The following CPQ variants were observed in gnomAD, a reference collection of about 807,000 sequenced individuals.
The protein encoded by CPQ is carboxypeptidase Q, also known as Ser-Met dipeptidase.
A neutral mutation model predicts 45.7 loss-of-function variants in CPQ; 37 were observed. The observed-to-expected ratio is 0.81, with a 90% confidence interval of 0.62 to 1.07. The LOEUF (loss-of-function observed/expected upper bound fraction) is 1.07, where lower values mean the gene tolerates loss of function less well. Among genes scored for constraint, CPQ ranks in the 50% least tolerant of loss-of-function variants. The probability of loss-of-function intolerance (pLI) is 0.00; values close to 1 mark genes in which losing one functional copy is unlikely to be tolerated. For missense variants in CPQ, 537 were observed against 572.9 expected (o/e 0.94, Z 0.64); for synonymous variants, 186 against 205.8 (o/e 0.90, Z 0.82).
chr8:97,036,764 G>A (rs1586506697), intron 6 of CPQ, among the ~76,000 whole-genome samples: 1 of 152,166 alleles, frequency 6.6e-6, no homozygotes, highest in South Asian at 2.1e-4. Flanking sequence ...TAATGAGTAA[G>A]GTAATCTGGC....
chr8:97,038,385 T>A (rs899291526), intron 6 of CPQ, among the ~76,000 whole-genome samples: 2 of 152,134 alleles, frequency 1.3e-5, no homozygotes, highest in African/African-American at 4.8e-5. Flanking sequence ...CCTCAGTGCC[T>A]CCCTACTCCT....
intron 1 of CPQ, among the ~76,000 whole-genome samples, chr8:96,772,294 T>G (rs1249774636): frequency 1.3e-5 from 2 of 152,004 alleles, no homozygotes. Context: ...CACTTACTGA[T>G]TAACTGACTA....
chr8:96,886,087 T>C (rs539177619), intron 4 of CPQ, among the ~76,000 whole-genome samples: 52 of 152,226 alleles, frequency 3.4e-4, no homozygotes, highest in Non-Finnish European at 2.9e-4. Flanking sequence ...AAAAAACCGA[T>C]GGTGGCACAT....
chr8:96,972,755 C>CAGTAGCT (rs1178933710), intron 5 of CPQ, among the ~76,000 whole-genome samples: 3 of 152,200 alleles, frequency 2.0e-5, no homozygotes, highest in Non-Finnish European at 4.4e-5. Context: ...CCAGTAGCTC[C>CAGTAGCT]TCTGGGTGGC....
intron 1 of CPQ, among the ~76,000 whole-genome samples, chr8:96,743,770 C>A (rs1440390346): frequency 2.6e-5 from 4 of 152,234 alleles, no homozygotes; most frequent in Non-Finnish European, 5.9e-5. Flanking sequence ...TGGGGGGTGC[C>A]TCCCAGTTAG....
chr8:96,656,551 T>TG (rs1318462604), intron 1 of CPQ, among the ~76,000 whole-genome samples: 10 of 152,192 alleles, frequency 6.6e-5, no homozygotes, highest in Non-Finnish European at 1.5e-4. Flanking sequence ...TGCCTGTCTC[T>TG]GGGCAGGGCC....
At chr8:96,892,050 T>C (rs1253223696) in intron 4 of CPQ, among the ~76,000 whole-genome samples, 1 of 152,340 alleles carries the variant, frequency 6.6e-6, no homozygotes, top group Admixed American at 6.5e-5. Flanking sequence ...GTGATGTGAC[T>C]TCCTTTAACT....
intron 4 of CPQ, among the ~76,000 whole-genome samples, chr8:96,895,315 A>C (rs745847806): frequency 1.3e-5 from 2 of 152,186 alleles, no homozygotes; most frequent in African/African-American, 2.4e-5. Context: ...ATCTTGCTGC[A>C]CTTCTTTCAC....
At chr8:96,908,916 C>G (rs1044543391) in intron 4 of CPQ, among the ~76,000 whole-genome samples, 18 of 152,298 alleles carry the variant, frequency 1.2e-4, no homozygotes, top group African/African-American at 4.3e-4. Flanking sequence ...TCAGCCTGCC[C>G]CATCACCCAA....
At chr8:96,831,309 G>T (rs1368766041) in intron 2 of CPQ, among the ~76,000 whole-genome samples, 1 of 151,910 alleles carries the variant, frequency 6.6e-6, no homozygotes, top group Non-Finnish European at 1.5e-5. Context: ...TTATTGTAGG[G>T]GTACAACTGG....
chr8:96,677,893 GC>G (rs1472177506), intron 1 of CPQ, among the ~76,000 whole-genome samples: 1 of 152,050 alleles, frequency 6.6e-6, no homozygotes, highest in African/African-American at 2.4e-5. Context: ...CATGTGACTT[GC>G]CAGTTTTCTC....
chr8:96,917,723 C>T (rs1343701960), intron 4 of CPQ, among the ~76,000 whole-genome samples: 1 of 152,102 alleles, frequency 6.6e-6, no homozygotes, highest in Non-Finnish European at 1.5e-5. Flanking sequence ...ATAAGTATTT[C>T]TCTGTGTAAT....
Position 96,783,318 on chromosome 8 carries a change from T to A in CPQ, c.-34-1546T>A, listed in dbSNP as rs568072412. The stretch of plus-strand genomic sequence containing the variant: ...AACAGAATACCACAGACGGAGTAAT[T>A]TATAAAGAATGAAAATTTATTAGCT... On this transcript the variant is annotated intron_variant, in intron 1 of 7. Coordinates refer to ENST00000220763, the MANE Select transcript of CPQ (RefSeq NM_016134.4). Among the ~76,000 whole-genome samples the A allele has an allele frequency of 6.6e-5, 10 of 151,724 alleles. No individual in the cohort carries two copies. The East Asian group carries it at 1.5e-3, about 23-fold the overall frequency.
chr8:96,788,719 C>T (rs1810809018), intron 2 of CPQ, among the ~76,000 whole-genome samples: 15 of 151,946 alleles, frequency 9.9e-5, no homozygotes, highest in Admixed American at 9.8e-4. Flanking sequence ...TCTTTTTCTT[C>T]CTTTTTTTCT....
At chr8:96,929,170 T>A (rs1026038151) in intron 4 of CPQ, among the ~76,000 whole-genome samples, 2 of 152,180 alleles carry the variant, frequency 1.3e-5, no homozygotes, top group Non-Finnish European at 2.9e-5. Context: ...GCTTTATTTC[T>A]GTTTATTGGG....
rs374719339 is a variant in CPQ, at chr8:96,803,668, G to GATATCCCATTGATATCCCA, written c.433+18339_433+18340insTATCCCATTGATATCCCAA. Among the ~76,000 whole-genome samples, 1,072 of 152,294 alleles carry GATATCCCATTGATATCCCA rather than the reference G, an allele frequency of 7.0e-3. 10 individuals are homozygous for GATATCCCATTGATATCCCA. Among genetic ancestry groups the GATATCCCATTGATATCCCA allele is most frequent in the African/African-American group, 0.02 (811 of 41,564 alleles). ...ATATGCAATGCTCCCAAGTGTCACA[G>GATATCCCATTGATATCCCA]AGTGATAACAATGGACCAGTGTAGT... On this transcript the variant is annotated intron_variant, in intron 2 of 7. Transcript: ENST00000220763.
chr8:97,041,096 T>A (rs1810114946), intron 6 of CPQ, among the ~76,000 whole-genome samples: 1 of 152,250 alleles, frequency 6.6e-6, no homozygotes, highest in African/African-American at 2.4e-5. Flanking sequence ...TTTCATGATA[T>A]TGATTCTTCC....
At chr8:96,801,727 T>C (rs542412507) in intron 2 of CPQ, among the ~76,000 whole-genome samples, 1 of 152,270 alleles carries the variant, frequency 6.6e-6, no homozygotes, top group Admixed American at 6.5e-5. Context: ...GACTAAATAA[T>C]GTAGGCTGAT....
chr8:96,745,077 A>G (rs553864288), intron 1 of CPQ, among the ~76,000 whole-genome samples: 21 of 152,350 alleles, frequency 1.4e-4, no homozygotes, highest in Admixed American at 2.6e-4. Context: ...TGGGAAGCCA[A>G]CGTGGGTAGA....
Sources: gnomAD v4.1 joint callset for allele counts (sites outside exome capture counted in the v4.1 genomes callset) on GRCh38, gnomAD v4.1.1 for gene constraint, MANE v1.5 for transcripts, NCBI Gene and HGNC (gene_info 2026-07-23, HGNC 2026-07-21) for gene names.